PDE11A: variants seen among roughly 807,000 people sequenced by gnomAD.
PDE11A encodes phosphodiesterase 11A.
PDE11A carries 100 observed loss-of-function variants against 100.5 expected under a neutral mutation model. The ratio of observed to expected loss-of-function variants is 1.00; its 90% CI spans 0.85 to 1.18. PDE11A has a LOEUF of 1.18. Among genes scored for constraint, PDE11A ranks in the 50% most tolerant of loss-of-function variants. The pLI is 0.00. For missense variants in PDE11A, 1,141 were observed against 1,152.6 expected (o/e 0.99, Z 0.15); for synonymous variants, 381 against 420.8 (o/e 0.91, Z 1.16).
intron 5 of PDE11A, among the ~76,000 whole-genome samples, chr2:177,847,117 C>T (rs1443098720): frequency 2.0e-5 from 3 of 152,146 alleles, no homozygotes; most frequent in Admixed American, 1.3e-4. Flanking sequence ...CTTATTCGTA[C>T]CATGCCAGCC....
intron 2 of PDE11A, among the ~76,000 whole-genome samples, chr2:178,083,153 G>A: frequency 6.7e-6 from 1 of 148,740 alleles, no homozygotes; most frequent in East Asian, 2.0e-4. Flanking sequence ...AGGCTGGAGT[G>A]CAGTGGCGCA....
chr2:178,004,007 A>G (rs530643423), intron 2 of PDE11A, among the ~76,000 whole-genome samples: 28 of 152,320 alleles, frequency 1.8e-4, no homozygotes, highest in African/African-American at 6.3e-4. Flanking sequence ...CATGGTGGAA[A>G]ATAATGCAAA....
chr2:177,740,555 C>T lies in PDE11A; in HGVS notation c.1789-12383G>A, dbSNP rs139914584. ...AAGTAACTGAGGTTAAGAAGATAAG[C>T]GACTTTCTCAAGGTCACATAACTAG... On this transcript the variant is annotated intron_variant, in intron 10 of 19. Coordinates refer to ENST00000286063, the MANE Select transcript of PDE11A (RefSeq NM_016953.4). Among the ~76,000 whole-genome samples, 335 of 152,278 alleles carry T rather than the reference C, an allele frequency of 2.2e-3. 1 individual carries two copies. The highest frequency in any genetic ancestry group is 0.01 in the Middle Eastern group (3 of 294).
chr2:177,863,616 A>G (rs528218203), intron 5 of PDE11A, among the ~76,000 whole-genome samples: 10 of 152,088 alleles, frequency 6.6e-5, no homozygotes, highest in Non-Finnish European at 1.2e-4. Flanking sequence ...ATCATCAGGG[A>G]AATGCAAATT....
intron 1 of PDE11A, among the ~76,000 whole-genome samples, chr2:178,045,276 C>G (rs2086735411): frequency 6.6e-6 from 1 of 152,136 alleles, no homozygotes; most frequent in Non-Finnish European, 1.5e-5. Context: ...TAACTATATC[C>G]TCCAGTTAAT....
At chr2:178,106,142 G>T (rs1342777294) in intron 1 of PDE11A, among the ~76,000 whole-genome samples, 1 of 152,110 alleles carries the variant, frequency 6.6e-6, no homozygotes, top group Non-Finnish European at 1.5e-5. Context: ...TTAACATACT[G>T]TGGTTAAACA....
intron 4 of PDE11A, among the ~76,000 whole-genome samples, chr2:177,879,942 T>C (rs973497794): frequency 9.2e-5 from 14 of 152,200 alleles, no homozygotes; most frequent in African/African-American, 2.7e-4. Flanking sequence ...GACAAAACTT[T>C]TATTTGTTTT....
chr2:177,670,146 A>G (rs2080655135), intron 17 of PDE11A, among the ~76,000 whole-genome samples: 1 of 152,186 alleles, frequency 6.6e-6, no homozygotes, highest in African/African-American at 2.4e-5. Context: ...TGCCAGATTC[A>G]CTGTTCATAG....
intron 19 of PDE11A, among the ~76,000 whole-genome samples, chr2:177,637,977 G>C (rs11680530): frequency 8.7e-6 from 1 of 115,240 alleles, no homozygotes; most frequent in Non-Finnish European, 1.6e-5. Flanking sequence ...ATATATACAC[G>C]TGTATATATA....
At chr2:177,997,313 G>T in intron 2 of PDE11A, 2 of 939,066 alleles carry the variant, frequency 2.1e-6, no homozygotes, top group Non-Finnish European at 3.5e-6. Flanking sequence ...TTTCTCACTG[G>T]GAGGATTATA....
At chr2:177,883,934 G>A (rs138371408) in intron 4 of PDE11A, among the ~76,000 whole-genome samples, 6 of 152,288 alleles carry the variant, frequency 3.9e-5, no homozygotes, top group African/African-American at 1.4e-4. Context: ...AACAAGGAAT[G>A]AGGAAAATAA....
chr2:177,891,149 C>T (rs2084522715), intron 4 of PDE11A, among the ~76,000 whole-genome samples: 1 of 152,050 alleles, frequency 6.6e-6, no homozygotes, highest in African/African-American at 2.4e-5. Context: ...AAAGGTTACC[C>T]CTTTTTCAAG....
At chr2:177,655,339 TCAAA>T (rs1334088687) in intron 19 of PDE11A, among the ~76,000 whole-genome samples, 1 of 152,164 alleles carries the variant, frequency 6.6e-6, no homozygotes, top group Non-Finnish European at 1.5e-5. Flanking sequence ...GTTTATCAGG[TCAAA>T]AGACTTTTTG....
intron 9 of PDE11A, among the ~76,000 whole-genome samples, chr2:177,791,721 G>T (rs1218562493): frequency 6.6e-6 from 1 of 151,832 alleles, no homozygotes; most frequent in Non-Finnish European, 1.5e-5. Flanking sequence ...CTTAAATATT[G>T]TTTATATTTA....
At chr2:177,852,095 C>A (rs970966907) in intron 5 of PDE11A, among the ~76,000 whole-genome samples, 1 of 152,172 alleles carries the variant, frequency 6.6e-6, no homozygotes. Context: ...TGGGGACTTC[C>A]TCCTGAGCAC....
chr2:177,781,904 C>G (rs2082460171), intron 9 of PDE11A, among the ~76,000 whole-genome samples: 1 of 152,108 alleles, frequency 6.6e-6, no homozygotes. Flanking sequence ...TGAGTGGGCC[C>G]TCAACTTGGG....
At position 177,674,716 on chromosome 2, in the gene PDE11A, G is replaced by C. The variant is rs957966421; in HGVS notation, c.2487+739C>G. On this transcript the variant is annotated intron_variant, in intron 17 of 19. Coordinates refer to ENST00000286063, the MANE Select transcript of PDE11A (RefSeq NM_016953.4). ...GACTACAATTTTAAGGATTAAATGA[G>C]ATAGTATATATAAAGCAGTCAATAA... Among the ~76,000 whole-genome samples, 4 of 152,172 alleles carry C rather than the reference G, an allele frequency of 2.6e-5. No homozygotes were observed. The South Asian group carries it at 6.2e-4, about 24-fold the overall frequency.
intron 12 of PDE11A, among the ~76,000 whole-genome samples, chr2:177,724,166 C>A (rs1467965054): frequency 6.6e-6 from 1 of 151,954 alleles, no homozygotes; most frequent in Non-Finnish European, 1.5e-5. Context: ...ATCTAAATAT[C>A]TTTTTAAAAA....
At chr2:177,859,171 C>T (rs954643342) in intron 5 of PDE11A, among the ~76,000 whole-genome samples, 58 of 152,002 alleles carry the variant, frequency 3.8e-4, no homozygotes, top group Admixed American at 5.9e-4. Context: ...GGGTGCAGCA[C>T]ACCAACATGG....
Sources: gnomAD v4.1 joint callset for allele counts (sites outside exome capture counted in the v4.1 genomes callset) on GRCh38, gnomAD v4.1.1 for gene constraint, MANE v1.5 for transcripts, NCBI Gene and HGNC (gene_info 2026-07-23, HGNC 2026-07-21) for gene names.